DISP2: variants seen among roughly 807,000 people sequenced by gnomAD.
The protein encoded by DISP2 is protein dispatched homolog 2.
Under a neutral mutation model 95.5 loss-of-function variants are expected in DISP2, and 59 were observed. The ratio of observed to expected loss-of-function variants is 0.62; its 90% CI spans 0.50 to 0.77. The LOEUF is 0.77. DISP2 is among the 30% of genes least tolerant of loss of function. DISP2 has a pLI of 0.00. For missense variants in DISP2, 1,752 were observed against 1,854.6 expected (o/e 0.94, Z 1.02); for synonymous variants, 827 against 815.0 (o/e 1.01, Z -0.25).
At position 40,365,668 on chromosome 15, in the gene DISP2, G is replaced by C. The variant is rs150813739; in HGVS notation, c.888G>C (p.Ser296=). ...AGCTGGTGTTCATGTCCACCTCCTC[G>C]GGCAGCCTATGGAACCTGCATGCCA... ...YAKLVFMSTS[S]GSLWNLHAIH... Residue 296 remains serine, a synonymous_variant, in exon 7 of 8, where the codon TCG becomes TCC. Transcript: ENST00000267889. The C allele has an allele frequency of 6.2e-7, 1 of 1,613,988 alleles. No individual in the cohort carries two copies. Among genetic ancestry groups the C allele is most frequent in the African/African-American group, 1.3e-5 (1 of 74,898 alleles).
At position 40,363,722 on chromosome 15, in the gene DISP2, C is replaced by A; in HGVS notation, c.217C>A (p.Pro73Thr). 6.2e-7 allele frequency: 1 copy of A among 1,613,214 alleles called. No individual in the cohort carries two copies. The highest frequency in any genetic ancestry group is 8.5e-7 in the Non-Finnish European group (1 of 1,179,514). Reference sequence around the variant, plus strand: ...GGACCCTTCCAGCTCTTCAGGACCCCCACCAACAACTTCCACCCTCCAGCC... The same window carrying A: ...GGACCCTTCCAGCTCTTCAGGACCCACACCAACAACTTCCACCCTCCAGCC... ...LEDPSSSSGP[P>T]PTTSTLQPVG... Residue 73 changes from proline (P) to threonine (T), a missense_variant, in exon 2 of 8, where the codon CCA (proline) becomes ACA (threonine). Around this residue, in one of 5 missense-constraint regions of DISP2, gnomAD observed 342 missense variants for 364.3 expected, o/e 0.94. Transcript: ENST00000267889.
rs1261074977 is a variant in DISP2, at chr15:40,374,985, A to G, written c.*4667A>G. 6.6e-6 allele frequency: 1 copy of G among 152,174 alleles called. No homozygotes were observed. Among genetic ancestry groups the G allele is most frequent in the Admixed American group, 6.5e-5 (1 of 15,272 alleles). The allele number at this position is 152,174 out of a possible 1,614,324, so 9.4% of individuals were successfully genotyped here. ...GGTAATGGCAAGCTCTTGGGACCCC[A>G]TGCCAAGCATCAAGATCCCATTTAC... On this transcript the variant is annotated 3_prime_UTR_variant, in exon 8 of 8. Transcript: ENST00000267889.
In DISP2 at chr15:40,371,226, A is replaced by G. The variant is rs1235346256; in HGVS notation, c.*908A>G. ...GGCAGAGCGGTTTCATTCCACCACT[A>G]CAACCTCCAGTTTCCCTTTGGCTAC... On this transcript the variant is annotated 3_prime_UTR_variant, in exon 8 of 8. Coordinates refer to ENST00000267889, the MANE Select transcript of DISP2 (RefSeq NM_033510.3). The G allele has an allele frequency of 6.6e-6, 1 of 152,322 alleles. No homozygotes were observed. The highest frequency in any genetic ancestry group is 1.5e-5 in the Non-Finnish European group (1 of 68,140). 9.4% of individuals were successfully genotyped at this position (152,322 alleles called of 1,614,324 possible). A position where few individuals can be genotyped will look rare whatever the true frequency, so the allele number is the denominator to read the frequency against.
Position 40,368,097 on chromosome 15 carries a change from G to C in DISP2, c.1985G>C (p.Gly662Ala), listed in dbSNP as rs1224584402. ...CARRARGRWE[G>A]SAPRRLLLAL... The stretch of plus-strand genomic sequence containing the variant: ...CGCCGGGCGCGGGGCCGGTGGGAGG[G>C]CAGCGCGCCCCGGCGGCTACTGCTG... The change falls in exon 8 of 8, where the codon GGC becomes GCC. Residue 662 changes from glycine (G) to alanine (A), a missense_variant. Transcript: ENST00000267889. 2 of 1,354,896 alleles carry C rather than the reference G, an allele frequency of 1.5e-6. No homozygotes were observed. The highest frequency in any genetic ancestry group is 1.9e-5 in the South Asian group (1 of 52,870). The allele number at this position is 1,354,896 out of a possible 1,614,324, so 83.9% of individuals were successfully genotyped here.
chr15:40,367,023 C>T (rs1255422410), intron 7 of DISP2, 35 bp from the exon 8 acceptor site: 2 of 1,598,908 alleles, frequency 1.3e-6, no homozygotes, highest in Non-Finnish European at 1.7e-6. Flanking sequence ...CCTTGGGCTG[C>T]CCCTGAACTC....
chr15:40,368,273 G>A lies in DISP2; in HGVS notation c.2161G>A (p.Ala721Thr). ...AALAAGGAYIAGVSPRLRLPT... is the reference protein window; with the variant it reads ...AALAAGGAYITGVSPRLRLPT... The stretch of plus-strand genomic sequence containing the variant: ...ACTGGCGGCAGGGGGCGCCTACATC[G>A]CCGGAGTCAGCCCCCGCCTGCGGCT... The change falls in exon 8 of 8, where the codon GCC (alanine) becomes ACC (threonine). Residue 721 changes from alanine to threonine, a missense_variant. Physicochemically the swap from Ala to Thr is moderately conservative, Grantham distance 58 (BLOSUM62 0). Transcript: ENST00000267889. 6.2e-7 allele frequency: 1 copy of A among 1,608,166 alleles called. No individual in the cohort carries two copies. The highest frequency in any genetic ancestry group is 8.5e-7 in the Non-Finnish European group (1 of 1,178,176).
At chr15:40,359,341 A>G (rs925147958) in intron 1 of DISP2, among the ~76,000 whole-genome samples, 9 of 152,250 alleles carry the variant, frequency 5.9e-5, no homozygotes, top group African/African-American at 2.2e-4. Context: ...TAAAATGTAC[A>G]TTCTGTACCC....
rs1198317254 is a variant in DISP2, at chr15:40,358,251, GCCA to G, written c.-68_-66del. 39 of 1,087,156 alleles carry G rather than the reference GCCA, an allele frequency of 3.6e-5. No homozygotes were observed. Among genetic ancestry groups the G allele is most frequent in the Non-Finnish European group, 4.3e-5 (38 of 889,676 alleles). 67.3% of individuals were successfully genotyped at this position (1,087,156 alleles called of 1,614,324 possible). ...CGAGCACCCCGCCGCCGCTGCCGCC[GCCA>G]CCGCCGCCGCCGCCGCCGCCGCCGC... On this transcript the variant is annotated 5_prime_UTR_variant, in exon 1 of 8. Transcript: ENST00000267889.
Position 40,358,443 on chromosome 15 carries a change from A to C in DISP2, c.119+3A>C, listed in dbSNP as rs921627093. On this transcript the variant is annotated splice_donor_region_variant and intron_variant, in intron 1 of 7. Transcript: ENST00000267889. ...CCAGACGGCGGCTCCCCGGACAGGTAGGGCGGACAGCTCCGCAGATCCGTA... is the reference window on the plus strand; with the variant it reads ...CCAGACGGCGGCTCCCCGGACAGGTCGGGCGGACAGCTCCGCAGATCCGTA... 1 of 1,308,114 alleles carries C rather than the reference A, an allele frequency of 7.6e-7. No homozygotes were observed. The highest frequency in any genetic ancestry group is 1.5e-5 in the African/African-American group (1 of 64,982). 81.0% of individuals were successfully genotyped at this position (1,308,114 alleles called of 1,614,324 possible).
chr15:40,362,484 G>T (rs1428508141), intron 1 of DISP2, among the ~76,000 whole-genome samples: 1 of 152,246 alleles, frequency 6.6e-6, no homozygotes, highest in African/African-American at 2.4e-5. Flanking sequence ...CGCCTTCTCT[G>T]TGCAAGGCAC....
rs1256392833 is a variant in DISP2, at chr15:40,368,234, T to C, written c.2122T>C (p.Cys708Arg). 6.2e-7 allele frequency: 1 copy of C among 1,610,826 alleles called. No individual in the cohort carries two copies. The highest frequency in any genetic ancestry group is 8.5e-7 in the Non-Finnish European group (1 of 1,179,146). ...CATCAAGTTCCGCTACATCTGGATC[T>C]GCTGGTTCGCAGCACTGGCGGCAGG... ...GVIKFRYIWI[C>R]WFAALAAGGA... Residue 708 changes from cysteine to arginine, a missense_variant, in exon 8 of 8, where the codon TGC (cysteine) becomes CGC (arginine). Cys to Arg is a radical substitution (Grantham distance 180, BLOSUM62 -3). Transcript: ENST00000267889.
chr15:40,370,099 G>C lies in DISP2; in HGVS notation c.3987G>C (p.Glu1329Asp), dbSNP rs1889612647. 1 of 1,611,252 alleles carries C rather than the reference G, an allele frequency of 6.2e-7. No homozygotes were observed. Among genetic ancestry groups the C allele is most frequent in the Admixed American group, 1.7e-5 (1 of 59,728 alleles). The part of the protein sequence containing the change: ...DLDDTGQPVL[E>D]RGQLNGKRDT... ...ATGACACTGGGCAGCCAGTCCTTGA[G>C]CGAGGCCAGCTCAATGGGAAGCGGG... The change falls in exon 8 of 8, where the codon GAG becomes GAC. Residue 1329 changes from glutamate (E) to aspartate (D), a missense_variant. Coordinates refer to ENST00000267889, the MANE Select transcript of DISP2 (RefSeq NM_033510.3).
Position 40,369,122 on chromosome 15 carries a change from G to A in DISP2, c.3010G>A (p.Val1004Ile). 1 of 1,613,898 alleles carries A rather than the reference G, an allele frequency of 6.2e-7. No individual in the cohort carries two copies. Among genetic ancestry groups the A allele is most frequent in the Non-Finnish European group, 8.5e-7 (1 of 1,180,036 alleles). ...TGTGGCAGGCACCGTGCTGCTCACT[G>A]TAGGACTCCTGGTTCTCCTCGAGTG... ...AAVAGTVLLTVGLLVLLEWQL... is the reference protein window; with the variant it reads ...AAVAGTVLLTIGLLVLLEWQL... The change falls in exon 8 of 8, where the codon GTA becomes ATA. Residue 1004 changes from valine to isoleucine, a missense_variant. This residue lies in a region of DISP2 where 317 missense variants were observed against 394.9 expected (regional missense o/e 0.80). Transcript: ENST00000267889.
chr15:40,370,659 T>C lies in DISP2; in HGVS notation c.*341T>C, dbSNP rs1310928514. 1 of 524,696 alleles carries C rather than the reference T, an allele frequency of 1.9e-6. No homozygotes were observed. The allele number at this position is 524,696 out of a possible 1,614,324, so 32.5% of individuals were successfully genotyped here. A position where few individuals can be genotyped will look rare whatever the true frequency, so the allele number is the denominator to read the frequency against. ...TCAGAGGAGGCTGACCTGGCCCCCA[T>C]CCCAAGTTACAAGAACTTCAGTGAG... On this transcript the variant is annotated 3_prime_UTR_variant, in exon 8 of 8. Coordinates refer to ENST00000267889, the MANE Select transcript of DISP2 (RefSeq NM_033510.3).
intron 1 of DISP2, among the ~76,000 whole-genome samples, chr15:40,362,382 G>GTCTT (rs1442442228): frequency 1.3e-5 from 2 of 152,224 alleles, no homozygotes; most frequent in Admixed American, 1.3e-4. Flanking sequence ...CCCAACTACT[G>GTCTT]TGAGTGCCTA....
In DISP2 at chr15:40,363,806, G is replaced by C. The variant is rs1192958553; in HGVS notation, c.301G>C (p.Glu101Gln). The change falls in exon 2 of 8, where the codon GAA (glutamate) becomes CAA (glutamine). Residue 101 changes from glutamate (E) to glutamine (Q), a missense_variant. Glu to Gln is a conservative substitution (Grantham distance 29, BLOSUM62 2). Around this residue, in one of 5 missense-constraint regions of DISP2, gnomAD observed 342 missense variants for 364.3 expected, o/e 0.94. Transcript: ENST00000267889. ...AHFTYPRALQ[E>Q]YQGGSSLPGL... ...CTTCACCTATCCCCGGGCACTGCAG[G>C]AATACCAGGGGGGCAGTTCCCTGCC... 1 of 1,612,646 alleles carries C rather than the reference G, an allele frequency of 6.2e-7. No individual in the cohort carries two copies. The highest frequency in any genetic ancestry group is 1.1e-5 in the South Asian group (1 of 90,902).
Position 40,367,796 on chromosome 15 carries a change from T to A in DISP2, c.1684T>A (p.Phe562Ile), listed in dbSNP as rs757065634. The A allele has an allele frequency of 3.7e-6, 6 of 1,607,034 alleles. No homozygotes were observed. Among genetic ancestry groups the A allele is most frequent in the Admixed American group, 3.3e-5 (2 of 60,020 alleles). The change falls in exon 8 of 8, where the codon TTC becomes ATC. Residue 562 changes from phenylalanine to isoleucine, a missense_variant. By Grantham distance (21) the Phe-to-Ile change is conservative. Coordinates refer to ENST00000267889, the MANE Select transcript of DISP2 (RefSeq NM_033510.3). ...CGTCTGCGCCAACCACACGCTCATC[T>A]TCTTCGACCTGTGGCGCCTTAGCAA... The part of the protein sequence containing the change: ...SSVCANHTLI[F>I]FDLWRLSKSQ...
chr15:40,376,576 T>TGC lies in DISP2; in HGVS notation c.*6259_*6260dup. 1 of 152,124 alleles carries TGC rather than the reference T, an allele frequency of 6.6e-6. No homozygotes were observed. Among genetic ancestry groups the TGC allele is most frequent in the Non-Finnish European group, 1.5e-5 (1 of 68,050 alleles). 9.4% of individuals were successfully genotyped at this position (152,124 alleles called of 1,614,324 possible). On this transcript the variant is annotated 3_prime_UTR_variant, in exon 8 of 8. Transcript: ENST00000267889. ...CAGAGGTTGCAGTGAGCCAAGATCA[T>TGC]GCCATTGCACTCCAGCCTGGGTGAC...
At position 40,369,864 on chromosome 15, in the gene DISP2, A is replaced by G. The variant is rs756363862; in HGVS notation, c.3752A>G (p.Asp1251Gly). 1.9e-6 allele frequency: 3 copies of G among 1,567,574 alleles called. No homozygotes were observed. Among genetic ancestry groups the G allele is most frequent in the Non-Finnish European group, 2.6e-6 (3 of 1,154,758 alleles). The stretch of plus-strand genomic sequence containing the variant: ...AGCCCCAAAACCCGGGCCAGGCAGG[A>G]CTCCCAAGGGGAGGAGGCTGAGCCC... ...GPSPKTRARQ[D>G]SQGEEAEPLP... The change falls in exon 8 of 8, where the codon GAC (aspartate) becomes GGC (glycine). Residue 1251 changes from aspartate to glycine, a missense_variant. Physicochemically the swap from Asp to Gly is moderately conservative, Grantham distance 94. Transcript: ENST00000267889.
Sources: gnomAD v4.1 joint callset for allele counts (sites outside exome capture counted in the v4.1 genomes callset) on GRCh38, gnomAD v4.1.1 for gene constraint, gnomAD v4.1.1 regional missense constraint, MANE v1.5 for transcripts, NCBI Gene and HGNC (gene_info 2026-07-23, HGNC 2026-07-21) for gene names.